GRIA4: variants seen among roughly 807,000 people sequenced by gnomAD.
The protein encoded by GRIA4 is glutamate receptor 4.
In GRIA4, 34 loss-of-function variants were observed where a neutral mutation model predicts 104.0. The observed-to-expected ratio is 0.33, with a 90% CI of 0.25 to 0.44. The LOEUF (loss-of-function observed/expected upper bound fraction) is 0.44, where lower values mean the gene tolerates loss of function less well. Among genes scored for constraint, GRIA4 ranks in the 20% least tolerant of loss-of-function variants. The pLI, the probability that GRIA4 is intolerant of heterozygous loss-of-function variation, is 1.00. For synonymous variants in GRIA4, 386 were observed against 381.9 expected, an observed-to-expected ratio of 1.01 and a Z score of -0.13; for missense variants, 750 against 1,096.5, an observed-to-expected ratio of 0.68 and a Z score of 4.46.
intron 4 of GRIA4, among the ~76,000 whole-genome samples, chr11:105,768,321 G>A (rs185332278): frequency 6.6e-6 from 1 of 152,158 alleles, no homozygotes; most frequent in East Asian, 1.9e-4. Context: ...AAACATCTGT[G>A]TATGGATAAA....
At chr11:105,716,777 A>C (rs1954104799) in intron 3 of GRIA4, among the ~76,000 whole-genome samples, 1 of 152,144 alleles carries the variant, frequency 6.6e-6, no homozygotes, top group Non-Finnish European at 1.5e-5. Context: ...GCAGGGGGCA[A>C]ACATTATGTA....
chr11:105,825,643 A>G (rs1341381355), intron 4 of GRIA4, among the ~76,000 whole-genome samples: 1 of 152,024 alleles, frequency 6.6e-6, no homozygotes, highest in Non-Finnish European at 1.5e-5. Context: ...AGAGACAAAG[A>G]TCTCCAAACC....
intron 5 of GRIA4, among the ~76,000 whole-genome samples, chr11:105,877,656 T>C (rs1945882292): frequency 6.6e-6 from 1 of 152,222 alleles, no homozygotes; most frequent in Admixed American, 6.5e-5. Context: ...TTTCATTAAA[T>C]TGATCTTTAA....
At chr11:105,809,175 TAA>T (rs1943071669) in intron 4 of GRIA4, among the ~76,000 whole-genome samples, 1 of 152,128 alleles carries the variant, frequency 6.6e-6, no homozygotes, top group Non-Finnish European at 1.5e-5. Flanking sequence ...TAAAAAAATT[TAA>T]AGTTAACCTA....
intron 3 of GRIA4, among the ~76,000 whole-genome samples, chr11:105,748,157 G>A (rs2135678467): frequency 6.6e-6 from 1 of 152,272 alleles, no homozygotes; most frequent in East Asian, 1.9e-4. Flanking sequence ...CATTGGCTGC[G>A]ACAGTTTAAC....
At position 105,938,763 on chromosome 11, in the gene GRIA4, T is replaced by G. The variant is rs143633969; in HGVS notation, c.2294+4794T>G. On this transcript the variant is annotated intron_variant, in intron 14 of 16. Transcript: ENST00000282499. ...TTACAAGAGCTACCTAGTTTGCTATTAAGTATACTGGTGTTTATTGTGTGT... is the reference window on the plus strand; with the variant it reads ...TTACAAGAGCTACCTAGTTTGCTATGAAGTATACTGGTGTTTATTGTGTGT... 8.0e-3 allele frequency among the ~76,000 whole-genome samples: 1,212 copies of G among 152,296 alleles called. 6 individuals are homozygous for G. The highest frequency in any genetic ancestry group is 0.013 in the Non-Finnish European group (876 of 68,010).
intron 4 of GRIA4, among the ~76,000 whole-genome samples, chr11:105,861,050 CAG>C (rs1945205410): frequency 6.6e-6 from 1 of 151,612 alleles, no homozygotes; most frequent in Non-Finnish European, 1.5e-5. Flanking sequence ...TGAAGAAATG[CAG>C]GAATTATGAG....
chr11:105,703,597 G>T (rs1049057101), intron 3 of GRIA4, among the ~76,000 whole-genome samples: 7 of 152,110 alleles, frequency 4.6e-5, no homozygotes, highest in Non-Finnish European at 1.0e-4. Context: ...GAAGTAAACA[G>T]GAAGACAGTA....
At chr11:105,947,912 G>T (rs967828947) in intron 14 of GRIA4, among the ~76,000 whole-genome samples, 5 of 152,094 alleles carry the variant, frequency 3.3e-5, no homozygotes, top group African/African-American at 9.7e-5. Context: ...AAGCAGCTTT[G>T]TATCTTCACT....
chr11:105,796,481 A>G (rs1942483669), intron 4 of GRIA4, among the ~76,000 whole-genome samples: 5 of 152,182 alleles, frequency 3.3e-5, no homozygotes, highest in Admixed American at 3.3e-4. Flanking sequence ...TTTTAGTCAT[A>G]CATTTCCAAA....
chr11:105,613,632 A>G (rs1332046305), intron 3 of GRIA4: 1 of 152,162 alleles, frequency 6.6e-6, no homozygotes, highest in Admixed American at 6.5e-5. Context: ...TGTTTCATCA[A>G]CTTAAATTAT....
At chr11:105,898,929 G>A (rs1946759098) in intron 7 of GRIA4, among the ~76,000 whole-genome samples, 4 of 152,066 alleles carry the variant, frequency 2.6e-5, no homozygotes, top group African/African-American at 9.7e-5. Flanking sequence ...AGAAAAAGCT[G>A]GTAAATTTCT....
chr11:105,893,300 T>TA (rs1169317236), intron 6 of GRIA4, among the ~76,000 whole-genome samples: 3 of 152,074 alleles, frequency 2.0e-5, no homozygotes, highest in Admixed American at 6.6e-5. Context: ...ATTCTTTGGA[T>TA]AAAAATTGAA....
chr11:105,971,095 C>A (rs1858666798), intron 14 of GRIA4, among the ~76,000 whole-genome samples: 1 of 152,040 alleles, frequency 6.6e-6, no homozygotes, highest in African/African-American at 2.4e-5. Flanking sequence ...ACCTGTCTGT[C>A]TTTTTTTGTT....
At chr11:105,960,496 A>G (rs1948711617) in intron 14 of GRIA4, among the ~76,000 whole-genome samples, 1 of 152,204 alleles carries the variant, frequency 6.6e-6, no homozygotes, top group Non-Finnish European at 1.5e-5. Context: ...TGGCTCCAGC[A>G]GGGGAAAAGC....
At chr11:105,722,048 C>A (rs936319560) in intron 3 of GRIA4, among the ~76,000 whole-genome samples, 3 of 152,060 alleles carry the variant, frequency 2.0e-5, no homozygotes, top group African/African-American at 7.2e-5. Context: ...AAAACATGTT[C>A]TCTGTTCTCT....
chr11:105,893,909 T>C (rs182607376), intron 6 of GRIA4, among the ~76,000 whole-genome samples: 44 of 152,346 alleles, frequency 2.9e-4, no homozygotes, highest in African/African-American at 8.2e-4. Flanking sequence ...GGACAGTGTT[T>C]TTCCCATTTC....
At position 105,724,107 on chromosome 11, in the gene GRIA4, T is replaced by G. The variant is rs554734005; in HGVS notation, c.248-28874T>G. ...ACGTCTATAGAGAACAGTATGGAGA[T>G]TCCCAAAGAACTAAAACCAGAACTA... On this transcript the variant is annotated intron_variant, in intron 3 of 16. Coordinates refer to ENST00000282499, the MANE Select transcript of GRIA4 (RefSeq NM_000829.4). 4.6e-5 allele frequency among the ~76,000 whole-genome samples: 7 copies of G among 152,106 alleles called. No individual in the cohort carries two copies. The South Asian group carries it at 1.5e-3, about 32-fold the overall frequency.
intron 3 of GRIA4, among the ~76,000 whole-genome samples, chr11:105,729,943 G>T (rs1207453183): frequency 6.6e-6 from 1 of 152,146 alleles, no homozygotes; most frequent in Non-Finnish European, 1.5e-5. Flanking sequence ...GGCAAAAGCT[G>T]GAAGCATTCC....
Sources: gnomAD v4.1 joint callset for allele counts (sites outside exome capture counted in the v4.1 genomes callset) on GRCh38, gnomAD v4.1.1 for gene constraint, MANE v1.5 for transcripts, NCBI Gene and HGNC (gene_info 2026-07-23, HGNC 2026-07-21) for gene names.